LAMA1: variants seen among roughly 807,000 people sequenced by gnomAD.
LAMA1 encodes laminin subunit alpha 1.
In LAMA1, 219 loss-of-function variants were observed where a neutral mutation model predicts 348.7. The observed-to-expected ratio is 0.63, with a 90% CI of 0.56 to 0.70. The LOEUF (loss-of-function observed/expected upper bound fraction) is 0.70. Among genes scored for constraint, LAMA1 ranks in the 30% least tolerant of loss-of-function variants. The pLI is 0.00. For missense variants in LAMA1, 3,744 were observed against 3,888.0 expected (o/e 0.96, Z 0.99); for synonymous variants, 1,487 against 1,491.0 (o/e 1.00, Z 0.06).
chr18:7,044,703 A>G lies in LAMA1; in HGVS notation c.976+19T>C, dbSNP rs1016123449. ...TAAGAGGAAAACTGTACTGACCTTCAGATTCTAAGTATACTGACCTTCACA... is the reference window on the plus strand; with the variant it reads ...TAAGAGGAAAACTGTACTGACCTTCGGATTCTAAGTATACTGACCTTCACA... On this transcript the variant is annotated intron_variant, in intron 7 of 62. Transcript: ENST00000389658. The G allele has an allele frequency of 1.3e-6, 2 of 1,586,802 alleles. No individual in the cohort carries two copies. The highest frequency in any genetic ancestry group is 1.7e-6 in the Non-Finnish European group (2 of 1,155,226).
At position 7,037,624 on chromosome 18, in the gene LAMA1, G is replaced by A; in HGVS notation, c.1691C>T (p.Ala564Val). ...INNTAVMQRLAPKYYWAAPEA... is the reference protein window; with the variant it reads ...INNTAVMQRLVPKYYWAAPEA... ...GGGGGCTGCCCAGTAGTACTTGGGA[G>A]CCAGTCTCTGCATGACCGCGGTGTT... is the stretch of plus-strand genomic sequence containing the variant. Residue 564 changes from alanine (A) to valine (V), a missense_variant, in exon 12 of 63, where the codon GCT becomes GTT. This residue lies in a region of LAMA1 where 1,529 missense variants were observed against 1,689.4 expected (regional missense o/e 0.91). Coordinates refer to ENST00000389658, the MANE Select transcript of LAMA1 (RefSeq NM_005559.4). The A allele has an allele frequency of 6.2e-7, 1 of 1,614,124 alleles. No homozygotes were observed. Among genetic ancestry groups the A allele is most frequent in the Non-Finnish European group, 8.5e-7 (1 of 1,180,028 alleles).
At chr18:7,080,521 T>C in intron 1 of LAMA1, 64 bp from the exon 2 acceptor site, 1 of 1,536,656 alleles carries the variant, frequency 6.5e-7, no homozygotes, top group Non-Finnish European at 8.9e-7. Context: ...GCTTACCCCA[T>C]CCCACTTGGT....
rs1273919202 is a variant in LAMA1 at position 6,956,747 on chromosome 18, A to G, written c.7983T>C (p.Ser2661=). ...IFNLELLDFN[S]AVGHEQVDLD... Reference sequence around the variant, plus strand: ...GGTCGACTTGCTCATGGCCAACTGCACTGTTGAAATCCAAAAGTCTAGGTA... The same window carrying G: ...GGTCGACTTGCTCATGGCCAACTGCGCTGTTGAAATCCAAAAGTCTAGGTA... Residue 2661 remains serine (S), a synonymous_variant, in exon 56 of 63, where the codon AGT becomes AGC. Coordinates refer to ENST00000389658, the MANE Select transcript of LAMA1 (RefSeq NM_005559.4). 1.2e-6 allele frequency: 2 copies of G among 1,614,240 alleles called. No individual in the cohort carries two copies. The highest frequency in any genetic ancestry group is 1.7e-5 in the Admixed American group (1 of 60,026).
chr18:6,959,990 G>A (rs976131581), intron 53 of LAMA1: 1 of 212,682 alleles, frequency 4.7e-6, no homozygotes, highest in Admixed American at 5.3e-5. Flanking sequence ...TAGAAGAATT[G>A]GAACGTGAGT....
At chr18:7,003,352 G>C (rs560435526) in intron 29 of LAMA1, among the ~76,000 whole-genome samples, 17 of 151,640 alleles carry the variant, frequency 1.1e-4, no homozygotes, top group African/African-American at 4.1e-4. Context: ...CCGGGTTCAC[G>C]CCATTCTCCT....
chr18:7,005,578 G>A (rs2144103931), intron 29 of LAMA1, among the ~76,000 whole-genome samples: 1 of 152,240 alleles, frequency 6.6e-6, no homozygotes, highest in Admixed American at 6.5e-5. Context: ...GTGAAACCCT[G>A]CCTCTACTAA....
chr18:7,024,311 T>C (rs2057932588), intron 18 of LAMA1, 69 bp downstream of exon 18: 1 of 1,235,880 alleles, frequency 8.1e-7, no homozygotes, highest in African/African-American at 1.5e-5. Context: ...TAACTACGCA[T>C]TTAAAAATAA....
chr18:7,098,619 C>A (rs1298885228), intron 1 of LAMA1, among the ~76,000 whole-genome samples: 5 of 151,362 alleles, frequency 3.3e-5, no homozygotes, highest in Non-Finnish European at 7.4e-5. Flanking sequence ...CCGGCAACCG[C>A]CCCGTCTGAG....
At position 6,965,418 on chromosome 18, in the gene LAMA1, G is replaced by A. The variant is rs138326363; in HGVS notation, c.7065C>T (p.Ser2355=). The part of the protein sequence containing the change: ...LGSYGTKDFL[S]IELFRGRVKV... ...TCACTCTGCCACGAAACAGCTCGAT[G>A]GATAAAAAGTCTTTCTGTAAAAAAG... Residue 2355 remains serine (S), a synonymous_variant, in exon 50 of 63, where the codon TCC becomes TCT. Coordinates refer to ENST00000389658, the MANE Select transcript of LAMA1 (RefSeq NM_005559.4). 2.5e-6 allele frequency: 4 copies of A among 1,613,964 alleles called. No individual in the cohort carries two copies. The highest frequency in any genetic ancestry group is 2.2e-5 in the South Asian group (2 of 91,076).
rs111675594 is a variant in LAMA1, at chr18:6,999,806, C to T, written c.4469+105G>A. 8.1e-5 allele frequency: 103 copies of T among 1,265,794 alleles called. 1 individual carries two copies. The African/African-American group carries it at 1.4e-3, about 17-fold the overall frequency. The allele number at this position is 1,265,794 out of a possible 1,614,324, so 78.4% of individuals were successfully genotyped here. A position where few individuals can be genotyped will look rare whatever the true frequency, so the allele number is the denominator to read the frequency against. On this transcript the variant is annotated intron_variant, in intron 31 of 62. Coordinates refer to ENST00000389658, the MANE Select transcript of LAMA1 (RefSeq NM_005559.4). ...CTTATTTCAATCAAGCACATCCAAA[C>T]TGATAATTGATAATGGCTCCCAGAT...
At chr18:7,047,036 C>T (rs1386594960) in intron 5 of LAMA1, among the ~76,000 whole-genome samples, 1 of 149,462 alleles carries the variant, frequency 6.7e-6, no homozygotes, top group Non-Finnish European at 1.5e-5. Context: ...ACTATGTGTG[C>T]CTTGATTTCT....
intron 39 of LAMA1, among the ~76,000 whole-genome samples, chr18:6,984,543 G>T (rs1322081042): frequency 6.6e-6 from 1 of 152,146 alleles, no homozygotes; most frequent in African/African-American, 2.4e-5. Flanking sequence ...AATCTTTGGG[G>T]GGAAGGCAGC....
At chr18:6,960,597 A>T (rs2057602316) in intron 53 of LAMA1, 1 of 151,010 alleles carries the variant, frequency 6.6e-6, no homozygotes, top group African/African-American at 2.4e-5. Context: ...GCCTCGTAAC[A>T]TTGTGAATGC....
intron 57 of LAMA1, among the ~76,000 whole-genome samples, chr18:6,952,572 C>T (rs1320068232): frequency 6.6e-6 from 1 of 152,210 alleles, no homozygotes; most frequent in Non-Finnish European, 1.5e-5. Flanking sequence ...CAAGGTTTCA[C>T]TTTTTGAGGT....
At chr18:7,005,076 T>C (rs1224225181) in intron 29 of LAMA1, among the ~76,000 whole-genome samples, 1 of 152,050 alleles carries the variant, frequency 6.6e-6, no homozygotes, top group Non-Finnish European at 1.5e-5. Flanking sequence ...AGACAGACAG[T>C]GACATGCACA....
At position 6,958,510 on chromosome 18, in the gene LAMA1, T is replaced by C. The variant is rs146411016; in HGVS notation, c.7931A>G (p.His2644Arg). ...TSLLTMRRSFHGCIKNLIFNL... is the reference protein window; with the variant it reads ...TSLLTMRRSFRGCIKNLIFNL... ...GAAGATCAGGTTTTTGATACAGCCATGGAACGATCTTCTCATTGTGAGCAG... is the reference window on the plus strand; with the variant it reads ...GAAGATCAGGTTTTTGATACAGCCACGGAACGATCTTCTCATTGTGAGCAG... Residue 2644 changes from histidine (H) to arginine (R), a missense_variant, in exon 55 of 63, where the codon CAT becomes CGT. His to Arg is a conservative substitution (Grantham distance 29). This residue lies in a region of LAMA1 where 1,983 missense variants were observed against 1,934.3 expected (regional missense o/e 1.03). Coordinates refer to ENST00000389658, the MANE Select transcript of LAMA1 (RefSeq NM_005559.4). 1 of 1,614,108 alleles carries C rather than the reference T, an allele frequency of 6.2e-7. No individual in the cohort carries two copies. The highest frequency in any genetic ancestry group is 1.7e-5 in the Admixed American group (1 of 60,008).
intron 18 of LAMA1, among the ~76,000 whole-genome samples, 183 bp from the exon 19 acceptor site, chr18:7,023,558 G>T (rs1460783087): frequency 2.0e-5 from 3 of 152,116 alleles, no homozygotes; most frequent in Non-Finnish European, 4.4e-5. Flanking sequence ...GCGGTGAAGG[G>T]GGAGAGCATC....
chr18:6,990,328 AC>A (rs1319072312), intron 36 of LAMA1, among the ~76,000 whole-genome samples: 1 of 152,076 alleles, frequency 6.6e-6, no homozygotes, highest in Non-Finnish European at 1.5e-5. Context: ...GAATGAACTG[AC>A]CTCAGAAGGG....
At chr18:7,027,670 C>T (rs186894825) in intron 16 of LAMA1, among the ~76,000 whole-genome samples, 262 of 152,190 alleles carry the variant, frequency 1.7e-3, no homozygotes, top group African/African-American at 6.0e-3. Flanking sequence ...AGGCCAGGCG[C>T]GGTGGTTCAC....
Sources: gnomAD v4.1 joint callset for allele counts (sites outside exome capture counted in the v4.1 genomes callset) on GRCh38, gnomAD v4.1.1 for gene constraint, gnomAD v4.1.1 regional missense constraint, MANE v1.5 for transcripts, NCBI Gene and HGNC (gene_info 2026-07-23, HGNC 2026-07-21) for gene names.